The following TMEM183A variants were observed in gnomAD, a reference collection of about 807,000 sequenced individuals.
TMEM183A encodes chromosome 1 open reading frame 37.
In TMEM183A, 21 loss-of-function variants were observed where a neutral mutation model predicts 46.7. That is an observed-to-expected ratio of 0.45 (90% CI 0.32 to 0.65). The LOEUF is 0.65. Among genes scored for constraint, TMEM183A ranks in the 30% least tolerant of loss-of-function variants. The pLI, the probability that TMEM183A is intolerant of heterozygous loss-of-function variation, is 0.04. For synonymous variants in TMEM183A, 165 were observed against 180.2 expected (o/e 0.92, Z 0.68); for missense variants, 331 against 481.9 (o/e 0.69, Z 2.93).
chr1:203,018,695 T>G, intron 6 of TMEM183A, 134 bp downstream of exon 6: 2 of 1,020,516 alleles, frequency 2.0e-6, no homozygotes, highest in Non-Finnish European at 2.9e-6. Context: ...GAACTTTATT[T>G]CTTAACAGTT....
Position 203,007,793 on chromosome 1 carries a change from C to G in TMEM183A, c.129C>G (p.Ala43=). The G allele has an allele frequency of 6.2e-7, 1 of 1,613,946 alleles. No individual in the cohort carries two copies. The change falls in exon 2 of 8, where the codon GCC becomes GCG. Residue 43 remains alanine, a synonymous_variant. Transcript: ENST00000367242. ...TTGCAGTGACCGTGGCGGATTACGC[C>G]AACTCGGATCCGGCGGTCGTGAGGT... ...CSGRVTVADY[A]NSDPAVVRSG...
In TMEM183A at chr1:203,013,501, AAG is replaced by A. The variant is rs1292469144; in HGVS notation, c.368-1384_368-1383del. On this transcript the variant is annotated intron_variant, in intron 3 of 7. Coordinates refer to ENST00000367242, the MANE Select transcript of TMEM183A (RefSeq NM_138391.6). This position sits in a 1 kb window ranked among gnomAD's most constrained non-coding sequence, Gnocchi z 4.0. ...TAATGCTAATGAGTTCTGAAGAAGG[AAG>A]AGATAGGGACACTTTTTTTTTTTTT... Among the ~76,000 whole-genome samples, 1 of 152,042 alleles carries A rather than the reference AAG, an allele frequency of 6.6e-6. No individual in the cohort carries two copies. Among genetic ancestry groups the A allele is most frequent in the Non-Finnish European group, 1.5e-5 (1 of 67,990 alleles).
chr1:203,017,445 CT>C (rs1272733864), intron 5 of TMEM183A, among the ~76,000 whole-genome samples: 11 of 152,286 alleles, frequency 7.2e-5, no homozygotes, highest in African/African-American at 2.6e-4. Context: ...TAAAATACCC[CT>C]ATCTTCATAT....
rs987436977 is a variant in TMEM183A at position 203,007,449 on chromosome 1, G to C, written c.-17G>C. 6.9e-5 allele frequency: 97 copies of C among 1,414,580 alleles called. No homozygotes were observed. The highest frequency in any genetic ancestry group is 8.2e-5 in the Non-Finnish European group (89 of 1,082,238). The allele number at this position is 1,414,580 out of a possible 1,614,324, so 87.6% of individuals were successfully genotyped here. A position where few individuals can be genotyped will look rare whatever the true frequency, so the allele number is the denominator to read the frequency against. On this transcript the variant is annotated 5_prime_UTR_variant, in exon 1 of 8. Transcript: ENST00000367242. Reference sequence around the variant, plus strand: ...AGCTGGCTTGCGGCTCCCGGGGCCGGCTCTCCGGCCGGAGACATGGCCCGG... The same window carrying C: ...AGCTGGCTTGCGGCTCCCGGGGCCGCCTCTCCGGCCGGAGACATGGCCCGG...
rs56743654 is a variant in TMEM183A at position 203,012,235 on chromosome 1, TCACACACACA to T, written c.368-2620_368-2611del. On this transcript the variant is annotated intron_variant, in intron 3 of 7. Transcript: ENST00000367242. ...ACTTCAACCATTACTCCCCACTCCA[TCACACACACA>T]CACACACACACACACACACACACAC... 8.4e-4 allele frequency among the ~76,000 whole-genome samples: 68 copies of T among 80,834 alleles called. 3 individuals are homozygous for T. Among genetic ancestry groups the T allele is most frequent in the East Asian group, 2.9e-3 (9 of 3,072 alleles). 53.0% of individuals were successfully genotyped at this position (80,834 alleles called of 152,430 possible). A position where few individuals can be genotyped will look rare whatever the true frequency, so the allele number is the denominator to read the frequency against.
intron 6 of TMEM183A, 131 bp from the exon 7 acceptor site, chr1:203,020,662 A>G (rs1418786155): frequency 2.6e-6 from 3 of 1,141,736 alleles, no homozygotes; most frequent in Non-Finnish European, 3.7e-6. Context: ...CTGTATAGAA[A>G]CATGTATAAA....
At chr1:203,010,051 T>C (rs1023543151) in intron 3 of TMEM183A, among the ~76,000 whole-genome samples, 1 of 151,784 alleles carries the variant, frequency 6.6e-6, no homozygotes, top group Non-Finnish European at 1.5e-5. Flanking sequence ...GGAGAATCGC[T>C]TGAACCTGGG....
At chr1:203,007,608 T>G in intron 1 of TMEM183A, 34 bp downstream of exon 1, 1 of 1,531,672 alleles carries the variant, frequency 6.5e-7, no homozygotes. Context: ...TGAAACATTT[T>G]GGGGGCTGGC....
intron 3 of TMEM183A, 112 bp from the exon 4 acceptor site, chr1:203,014,777 C>G (rs1657000746): frequency 6.9e-7 from 1 of 1,440,568 alleles, no homozygotes. Context: ...TTCCTTGGAC[C>G]TATTTAAAAC....
Position 203,007,423 on chromosome 1 carries a change from G to A in TMEM183A, c.-43G>A. On this transcript the variant is annotated 5_prime_UTR_variant, in exon 1 of 8. Transcript: ENST00000367242. The stretch of plus-strand genomic sequence containing the variant: ...TGTGGGATGGCCGCGGAGCCGGGCG[G>A]AGCTGGCTTGCGGCTCCCGGGGCCG... 7.2e-7 allele frequency: 1 copy of A among 1,385,118 alleles called. No individual in the cohort carries two copies. The allele number at this position is 1,385,118 out of a possible 1,614,324, so 85.8% of individuals were successfully genotyped here. A position where few individuals can be genotyped will look rare whatever the true frequency, so the allele number is the denominator to read the frequency against.
intron 3 of TMEM183A, 129 bp downstream of exon 3, chr1:203,008,939 T>A: frequency 1.0e-6 from 1 of 1,001,622 alleles, no homozygotes; most frequent in Non-Finnish European, 1.3e-6. Context: ...AACTTGGCTC[T>A]CCCTAAGAAC....
intron 2 of TMEM183A, 78 bp downstream of exon 2, chr1:203,007,941 C>T: frequency 5.2e-6 from 8 of 1,550,618 alleles, no homozygotes; most frequent in Non-Finnish European, 7.0e-6. Flanking sequence ...TTCTTGCAGT[C>T]CTTTAGTCGT....
rs1657614083 is a variant in TMEM183A, at chr1:203,020,960, C to G, written c.945+12C>G. 1 of 1,486,046 alleles carries G rather than the reference C, an allele frequency of 6.7e-7. No homozygotes were observed. Among genetic ancestry groups the G allele is most frequent in the East Asian group, 2.6e-5 (1 of 38,152 alleles). The allele number at this position is 1,486,046 out of a possible 1,614,324, so 92.1% of individuals were successfully genotyped here. A position where few individuals can be genotyped will look rare whatever the true frequency, so the allele number is the denominator to read the frequency against. On this transcript the variant is annotated intron_variant, in intron 7 of 7. Coordinates refer to ENST00000367242, the MANE Select transcript of TMEM183A (RefSeq NM_138391.6). ...TGATATTTACTCTGGTAAGTGGGGA[C>G]TCAGGATGTCATTCTCAGCTCCTTT...
intron 3 of TMEM183A, among the ~76,000 whole-genome samples, chr1:203,011,734 CTTCT>C (rs1159536577): frequency 1.3e-5 from 2 of 152,082 alleles, no homozygotes; most frequent in African/African-American, 4.8e-5. Context: ...AATTGTAAGA[CTTCT>C]TTATCTATTC....
In TMEM183A at chr1:203,008,822, G is replaced by C; in HGVS notation, c.367+12G>C. ...CAAGAGACACAAAGGTATGGAGCTT[G>C]TTCTCTTTTGGTTTATTAGACCTGC... On this transcript the variant is annotated intron_variant, in intron 3 of 7. Transcript: ENST00000367242. 1.3e-6 allele frequency: 2 copies of C among 1,582,586 alleles called. No individual in the cohort carries two copies. Among genetic ancestry groups the C allele is most frequent in the Non-Finnish European group, 1.7e-6 (2 of 1,166,062 alleles).
At chr1:203,015,782 G>A in intron 4 of TMEM183A, 178 bp from the exon 5 acceptor site, 4 of 707,902 alleles carry the variant, frequency 5.7e-6, no homozygotes, top group Non-Finnish European at 9.1e-6. Context: ...GAGAACTGCC[G>A]GATTACAAGG....
At position 203,021,790 on chromosome 1, in the gene TMEM183A, A is replaced by G. The variant is rs1657708591; in HGVS notation, c.945+842A>G. On this transcript the variant is annotated intron_variant, in intron 7 of 7. Coordinates refer to ENST00000367242, the MANE Select transcript of TMEM183A (RefSeq NM_138391.6). ...TTAAAAATTTTTCATTGGCTTGGCA[A>G]CTGGAGAGTTCATGTAATTTGTCTT... Among the ~76,000 whole-genome samples, 4 of 152,234 alleles carry G rather than the reference A, an allele frequency of 2.6e-5. No individual in the cohort carries two copies. The South Asian group carries it at 6.2e-4, about 24-fold the overall frequency.
intron 6 of TMEM183A, among the ~76,000 whole-genome samples, chr1:203,019,459 T>C (rs1262455701): frequency 6.6e-6 from 1 of 152,154 alleles, no homozygotes; most frequent in African/African-American, 2.4e-5. Flanking sequence ...TTCTTATGGG[T>C]GATAATGATA....
chr1:203,008,871 T>TA (rs1656270843), intron 3 of TMEM183A, 61 bp downstream of exon 3: 15 of 1,450,802 alleles, frequency 1.0e-5, no homozygotes, highest in Non-Finnish European at 1.4e-5. Flanking sequence ...TTGAAGATGT[T>TA]ACTTTCCCAG....
Sources: gnomAD v4.1 joint callset for allele counts (sites outside exome capture counted in the v4.1 genomes callset) on GRCh38, gnomAD v4.1.1 for gene constraint, Gnocchi (gnomAD v3.1) non-coding constraint, MANE v1.5 for transcripts, NCBI Gene and HGNC (gene_info 2026-07-23, HGNC 2026-07-21) for gene names.